APPL2: variants seen among roughly 807,000 people sequenced by gnomAD.
The protein encoded by APPL2 is adaptor protein, phosphotyrosine interacting with PH domain and leucine zipper 2, also known as DCC-interacting protein 13-beta.
In APPL2, 84 loss-of-function variants were observed where a neutral mutation model predicts 92.7. That is an observed-to-expected ratio of 0.91 (90% confidence interval 0.76 to 1.09). The LOEUF is 1.09. APPL2 is among the 50% of genes least tolerant of loss of function. The probability of loss-of-function intolerance (pLI) is 0.00; values close to 1 mark genes in which losing one functional copy is unlikely to be tolerated. For synonymous variants in APPL2, 291 were observed against 291.0 expected, an observed-to-expected ratio of 1.00 and a Z score of 0.00; for missense variants, 736 against 824.5, an observed-to-expected ratio of 0.89 and a Z score of 1.31.
chr12:105,183,774 T>C (rs1886347215), intron 17 of APPL2, among the ~76,000 whole-genome samples: 1 of 152,176 alleles, frequency 6.6e-6, no homozygotes, highest in South Asian at 2.1e-4. Flanking sequence ...TGTGGTGTTC[T>C]CTGTATTTCC....
chr12:105,182,765 G>A (rs1196857), intron 17 of APPL2, among the ~76,000 whole-genome samples: 149,122 of 152,342 alleles, frequency 0.98, 72,997 homozygotes, highest in East Asian at 1. Flanking sequence ...GTAGATGTGT[G>A]TTAGTTCCAC....
intron 9 of APPL2, among the ~76,000 whole-genome samples, chr12:105,199,810 T>C (rs1887993802): frequency 6.6e-6 from 1 of 152,044 alleles, no homozygotes; most frequent in African/African-American, 2.4e-5. Flanking sequence ...ACACAGTCTT[T>C]TTTTTTGTTG....
intron 2 of APPL2, among the ~76,000 whole-genome samples, chr12:105,227,044 C>T (rs568459657): frequency 2.6e-5 from 4 of 151,538 alleles, no homozygotes; most frequent in South Asian, 2.1e-4. Flanking sequence ...TTACTTGAGC[C>T]GTGGAGTTAG....
intron 16 of APPL2, among the ~76,000 whole-genome samples, chr12:105,189,243 C>A (rs138044187): frequency 5.1e-4 from 78 of 152,210 alleles, no homozygotes; most frequent in African/African-American, 1.8e-3. Flanking sequence ...GTTGCCCATG[C>A]TGGTCTTGAA....
chr12:105,205,045 A>C (rs537279142), intron 8 of APPL2, among the ~76,000 whole-genome samples: 23 of 152,298 alleles, frequency 1.5e-4, no homozygotes, highest in Middle Eastern at 3.4e-3. Flanking sequence ...GGTGCCGAGA[A>C]GCCTGATGAG....
intron 20 of APPL2, among the ~76,000 whole-genome samples, chr12:105,175,754 T>G (rs1052042607): frequency 1.2e-5 from 1 of 86,350 alleles, no homozygotes; most frequent in East Asian, 3.5e-4. Context: ...TGGGTACTTA[T>G]CTATCATCTT....
chr12:105,174,472 G>A (rs1014936780), intron 20 of APPL2, 24 bp from the exon 21 acceptor site: 3 of 1,597,482 alleles, frequency 1.9e-6, no homozygotes, highest in Non-Finnish European at 8.5e-7. Flanking sequence ...AGTTTAAAAG[G>A]GAAAAAAGAA....
rs1887585321 is a variant in APPL2, at chr12:105,195,756, A to G, written c.1053-129T>C. 3.9e-6 allele frequency: 4 copies of G among 1,029,746 alleles called. No individual in the cohort carries two copies. In the Admixed American group the frequency reaches 7.5e-5, roughly 19 times the overall value. The allele number at this position is 1,029,746 out of a possible 1,614,324, so 63.8% of individuals were successfully genotyped here. A position where few individuals can be genotyped will look rare whatever the true frequency, so the allele number is the denominator to read the frequency against. On this transcript the variant is annotated intron_variant, in intron 11 of 20. Coordinates refer to ENST00000258530, the MANE Select transcript of APPL2 (RefSeq NM_018171.5). ...ATGAAGGCAGCATGATGAGAGGGAA[A>G]GAAAATGGGGTTCCAGGGCCAGGTG...
intron 18 of APPL2, 42 bp downstream of exon 18, chr12:105,177,184 T>C (rs1885629271): frequency 1.2e-6 from 2 of 1,609,676 alleles, no homozygotes; most frequent in Admixed American, 1.7e-5. Context: ...CAAAGGTGAA[T>C]TAAGGAGTAA....
At chr12:105,197,055 G>A (rs527464623) in intron 11 of APPL2, among the ~76,000 whole-genome samples, 4 of 152,242 alleles carry the variant, frequency 2.6e-5, no homozygotes, top group South Asian at 2.1e-4. Flanking sequence ...TGAGAAGAGC[G>A]GCTCTGATGA....
At chr12:105,225,021 T>C (rs967550098) in intron 2 of APPL2, among the ~76,000 whole-genome samples, 3 of 152,122 alleles carry the variant, frequency 2.0e-5, no homozygotes, top group African/African-American at 4.8e-5. Flanking sequence ...GGATCAGTAG[T>C]TCTGTATTCT....
chr12:105,235,078 ATCTTAT>A (rs907732258), intron 1 of APPL2, among the ~76,000 whole-genome samples: 1 of 152,350 alleles, frequency 6.6e-6, no homozygotes, highest in Non-Finnish European at 1.5e-5. Context: ...AAATAGGTTA[ATCTTAT>A]TCTAAGTTTT....
At chr12:105,188,801 T>A (rs1886952871) in intron 16 of APPL2, among the ~76,000 whole-genome samples, 1 of 152,214 alleles carries the variant, frequency 6.6e-6, no homozygotes. Flanking sequence ...AATTCATTAC[T>A]TTGGCCCACT....
intron 17 of APPL2, among the ~76,000 whole-genome samples, chr12:105,179,939 G>C (rs1276705568): frequency 6.6e-6 from 1 of 152,206 alleles, no homozygotes; most frequent in Non-Finnish European, 1.5e-5. Context: ...TCACTCTGAT[G>C]ATAGTTTCTT....
At chr12:105,183,766 T>A (rs907772174) in intron 17 of APPL2, among the ~76,000 whole-genome samples, 10 of 152,176 alleles carry the variant, frequency 6.6e-5, no homozygotes, top group African/African-American at 1.9e-4. Context: ...AGTATCTTTG[T>A]GGTGTTCTCT....
chr12:105,195,059 C>T (rs1290558328), intron 14 of APPL2, among the ~76,000 whole-genome samples: 3 of 152,220 alleles, frequency 2.0e-5, no homozygotes, highest in Non-Finnish European at 4.4e-5. Context: ...TGACATCAGA[C>T]AGGCTTGAAT....
intron 2 of APPL2, among the ~76,000 whole-genome samples, chr12:105,222,403 G>A (rs1890172540): frequency 6.6e-6 from 1 of 152,184 alleles, no homozygotes. Context: ...GAGGCAGACA[G>A]TGCAGAGCGG....
Position 105,217,558 on chromosome 12 carries a change from G to A in APPL2, c.213+108C>T, listed in dbSNP as rs368241189. The A allele has an allele frequency of 6.5e-5, 71 of 1,094,094 alleles. No individual in the cohort carries two copies. The African/African-American group carries it at 9.2e-4, about 14-fold the overall frequency. 67.8% of individuals were successfully genotyped at this position (1,094,094 alleles called of 1,614,324 possible). Reference sequence around the variant, plus strand: ...GGAAAAGACAGGACAAAAAAACTATGAAGAAAATGAAACAAATAATTTAGG... The same window carrying A: ...GGAAAAGACAGGACAAAAAAACTATAAAGAAAATGAAACAAATAATTTAGG... On this transcript the variant is annotated intron_variant, in intron 3 of 20. Transcript: ENST00000258530.
chr12:105,176,063 AAATT>A lies in APPL2; in HGVS notation c.1828_1831del (p.Asn610TrpfsTer18), dbSNP rs748889532. 1 of 1,591,630 alleles carries A rather than the reference AAATT, an allele frequency of 6.3e-7. No individual in the cohort carries two copies. Among genetic ancestry groups the A allele is most frequent in the Non-Finnish European group, 8.5e-7 (1 of 1,172,604 alleles). On this transcript the variant is annotated frameshift_variant, in exon 20 of 21. Transcript: ENST00000258530. LOFTEE classifies it high-confidence loss of function. ...CTGAACCTCAATAATTTCTTTTCCC[AAATT>A]AATAGCATAACATATCTGCAAAAGA...
Sources: allele counts gnomAD v4.1 joint callset (sites outside exome capture counted in the v4.1 genomes callset), GRCh38; gene constraint gnomAD v4.1.1; transcripts MANE v1.5; gene names NCBI Gene and HGNC (gene_info 2026-07-23, HGNC 2026-07-21).